Variants in SELENOF observed in about 807,000 individuals in gnomAD.
The protein encoded by SELENOF is selenoprotein F.
A neutral mutation model predicts 20.5 loss-of-function variants in SELENOF; 16 were observed. The observed-to-expected ratio is 0.78, with a 90% CI of 0.53 to 1.19. SELENOF has a LOEUF of 1.19. SELENOF is among the 50% of genes most tolerant of loss of function. SELENOF has a pLI of 0.00. For synonymous variants in SELENOF, 78 were observed against 74.5 expected (o/e 1.05, Z -0.24); for missense variants, 215 against 194.2 (o/e 1.11, Z -0.64).
chr1:86,867,189 T>TA (rs1427424941), intron 4 of SELENOF, among the ~76,000 whole-genome samples: 2 of 151,924 alleles, frequency 1.3e-5, no homozygotes, highest in Middle Eastern at 3.4e-3. Flanking sequence ...ATAGAGATAA[T>TA]AAAAAAATCA....
rs1210950297 is a variant in SELENOF, at chr1:86,863,701, T to TA, written c.367-97dup. ...GCAATTCAATCCAGTTTAAATTTAG[T>TA]AATTAAAAAAAGGCTTTTAGACATG... On this transcript the variant is annotated intron_variant, in intron 4 of 4. Transcript: ENST00000331835. 2.7e-6 allele frequency: 3 copies of TA among 1,130,156 alleles called. No homozygotes were observed. In the African/African-American group the frequency reaches 4.8e-5, roughly 18 times the overall value. The allele number at this position is 1,130,156 out of a possible 1,614,324, so 70.0% of individuals were successfully genotyped here. A position where few individuals can be genotyped will look rare whatever the true frequency, so the allele number is the denominator to read the frequency against.
intron 2 of SELENOF, among the ~76,000 whole-genome samples, chr1:86,898,450 G>C (rs1659582458): frequency 6.6e-6 from 1 of 152,120 alleles, no homozygotes; most frequent in Non-Finnish European, 1.5e-5. Context: ...CTAAAAATGA[G>C]TCTCATCCTT....
At chr1:86,868,951 CTA>C (rs1040936861) in intron 3 of SELENOF, among the ~76,000 whole-genome samples, 12 of 152,120 alleles carry the variant, frequency 7.9e-5, no homozygotes, top group African/African-American at 2.9e-4. Flanking sequence ...AGAAAAAACA[CTA>C]TGTATAGCAA....
chr1:86,893,706 A>T (rs1433030861), intron 2 of SELENOF, among the ~76,000 whole-genome samples: 1 of 152,220 alleles, frequency 6.6e-6, no homozygotes, highest in Non-Finnish European at 1.5e-5. Context: ...TAAGCTTCTA[A>T]TGAGGTATAC....
At chr1:86,881,019 G>C (rs1358945223) in intron 2 of SELENOF, among the ~76,000 whole-genome samples, 2 of 152,106 alleles carry the variant, frequency 1.3e-5, no homozygotes, top group Admixed American at 6.5e-5. Flanking sequence ...AAATAGGTAA[G>C]ATGTCCTAGG....
intron 4 of SELENOF, among the ~76,000 whole-genome samples, chr1:86,865,009 GTTTA>G (rs1254095487): frequency 2.0e-5 from 3 of 151,714 alleles, no homozygotes; most frequent in Admixed American, 6.6e-5. Context: ...ATTTAAAAAT[GTTTA>G]TTTATTAAAA....
At position 86,862,491 on chromosome 1, in the gene SELENOF, G is replaced by A. The variant is rs1223260060; in HGVS notation, c.*983C>T. The A allele has an allele frequency of 6.6e-6, 1 of 152,008 alleles. No homozygotes were observed. The highest frequency in any genetic ancestry group is 1.5e-5 in the Non-Finnish European group (1 of 68,004). 9.4% of individuals were successfully genotyped at this position (152,008 alleles called of 1,614,324 possible). A position where few individuals can be genotyped will look rare whatever the true frequency, so the allele number is the denominator to read the frequency against. On this transcript the variant is annotated 3_prime_UTR_variant, in exon 5 of 5. Transcript: ENST00000331835. ...TTAATATAAAAATTCTATATCAAGA[G>A]ATATTCCTTAAATAATATACCAATG...
chr1:86,896,275 A>T (rs970806416), intron 2 of SELENOF, among the ~76,000 whole-genome samples: 1 of 152,024 alleles, frequency 6.6e-6, no homozygotes, highest in East Asian at 1.9e-4. Context: ...GGAGGGGCGG[A>T]TATAGTTAGG....
At chr1:86,899,097 G>T (rs1310421424) in intron 2 of SELENOF, among the ~76,000 whole-genome samples, 3 of 151,602 alleles carry the variant, frequency 2.0e-5, no homozygotes, top group African/African-American at 7.3e-5. Flanking sequence ...GCACAAGGTT[G>T]TGGGGTAAGG....
At chr1:86,896,903 A>C (rs1659539500) in intron 2 of SELENOF, among the ~76,000 whole-genome samples, 1 of 152,234 alleles carries the variant, frequency 6.6e-6, no homozygotes. Flanking sequence ...AGCTTTTAAA[A>C]AAATCACCTT....
intron 1 of SELENOF, among the ~76,000 whole-genome samples, chr1:86,907,847 G>A (rs1432171819): frequency 2.6e-5 from 4 of 152,040 alleles, no homozygotes; most frequent in Non-Finnish European, 4.4e-5. Context: ...ATTAGCTGGG[G>A]TGGTGGCGCA....
chr1:86,914,368 T>G (rs977423453), upstream of SELENOF: 2 of 529,114 alleles, frequency 3.8e-6, no homozygotes, highest in African/African-American at 1.9e-5. Context: ...TTCACGACAC[T>G]TCGTCAAGCA....
At chr1:86,887,139 GAC>G (rs1659240690) in intron 2 of SELENOF, 1 of 1,522,732 alleles carries the variant, frequency 6.6e-7, no homozygotes. Flanking sequence ...TCTGATTAAT[GAC>G]ACTTTCATAC....
chr1:86,875,011 A>C lies in SELENOF; in HGVS notation c.316+5651T>G, dbSNP rs538490515. Among the ~76,000 whole-genome samples the C allele has an allele frequency of 1.2e-3, 183 of 152,354 alleles. 2 individuals are homozygous for C. Among genetic ancestry groups the C allele is most frequent in the African/African-American group, 4.1e-3 (171 of 41,586 alleles). ...CACTCTGGGAGGCCAAGATGGGCAG[A>C]TCACCCGAGGTCAGGAGTTCCAGAC... On this transcript the variant is annotated intron_variant, in intron 3 of 4. Coordinates refer to ENST00000331835, the MANE Select transcript of SELENOF (RefSeq NM_004261.5).
intron 1 of SELENOF, among the ~76,000 whole-genome samples, chr1:86,910,075 C>T (rs1388434557): frequency 5.3e-5 from 8 of 152,228 alleles, no homozygotes; most frequent in Non-Finnish European, 1.2e-4. Flanking sequence ...TTAAGCTTTG[C>T]ATTCTATTGA....
intron 1 of SELENOF, among the ~76,000 whole-genome samples, chr1:86,907,736 T>A (rs524515): frequency 6.6e-6 from 1 of 151,898 alleles, no homozygotes; most frequent in African/African-American, 2.4e-5. Context: ...ATAATCTCAG[T>A]GCTTTGGTAG....
intron 2 of SELENOF, among the ~76,000 whole-genome samples, chr1:86,897,175 C>T (rs1465411290): frequency 1.3e-5 from 2 of 151,714 alleles, no homozygotes; most frequent in South Asian, 2.1e-4. Flanking sequence ...GGCGTGGTGG[C>T]GGGTGGGAGG....
intron 1 of SELENOF, among the ~76,000 whole-genome samples, chr1:86,912,338 G>A (rs1269566459): frequency 6.6e-6 from 1 of 152,150 alleles, no homozygotes; most frequent in Non-Finnish European, 1.5e-5. Context: ...TTTGGATTCT[G>A]TGCACAGTCA....
At position 86,881,522 on chromosome 1, in the gene SELENOF, G is replaced by A. The variant is rs188597358; in HGVS notation, c.253-797C>T. On this transcript the variant is annotated intron_variant, in intron 2 of 4. Transcript: ENST00000331835. ...AGAGAAGGCTGGCAATTTTAAGAAC[G>A]TATCATATCCATTTCATTTCTTCTT... Among the ~76,000 whole-genome samples, 3 of 152,236 alleles carry A rather than the reference G, an allele frequency of 2.0e-5. No individual in the cohort carries two copies. In the East Asian group the frequency reaches 5.8e-4, roughly 29 times the overall value.
Sources: gnomAD v4.1 joint callset for allele counts (sites outside exome capture counted in the v4.1 genomes callset) on GRCh38, gnomAD v4.1.1 for gene constraint, MANE v1.5 for transcripts, NCBI Gene and HGNC (gene_info 2026-07-23, HGNC 2026-07-21) for gene names.